Variants in SMAD9 observed in about 807,000 individuals in gnomAD.
The protein encoded by SMAD9 is SMAD family member 9, also known as MAD homolog 9.
A neutral mutation model predicts 46.1 loss-of-function variants in SMAD9; 36 were observed. The ratio of observed to expected loss-of-function variants is 0.78; its 90% CI spans 0.60 to 1.03. The LOEUF is 1.03. SMAD9 is among the 50% of genes least tolerant of loss of function. The pLI, the probability that SMAD9 is intolerant of heterozygous loss-of-function variation, is 0.00. For missense variants in SMAD9, 572 were observed against 599.8 expected (o/e 0.95, Z 0.48); for synonymous variants, 245 against 237.1 (o/e 1.03, Z -0.31).
chr13:36,885,699 T>C (rs2058439400), intron 1 of SMAD9, among the ~76,000 whole-genome samples: 1 of 151,884 alleles, frequency 6.6e-6, no homozygotes, highest in Non-Finnish European at 1.5e-5. Flanking sequence ...GGGAGCTCTA[T>C]CTAGGGGGCC....
chr13:36,899,677 T>C (rs1432886361), intron 1 of SMAD9, among the ~76,000 whole-genome samples: 2 of 152,040 alleles, frequency 1.3e-5, no homozygotes, highest in African/African-American at 2.4e-5. Context: ...AGTTGGTAGG[T>C]GGGTTCAGGG....
At position 36,908,328 on chromosome 13, in the gene SMAD9, C is replaced by T. The variant is rs146004504; in HGVS notation, c.-187+11788G>A. On this transcript the variant is annotated intron_variant, in intron 1 of 6. Coordinates refer to ENST00000379826, the MANE Select transcript of SMAD9 (RefSeq NM_001127217.3). ...ATGCAAACTATAAAATTTCTTCAGT[C>T]AAAACAAATAATTAAATACAACAAA... 5.1e-3 allele frequency among the ~76,000 whole-genome samples: 775 copies of T among 152,198 alleles called. 6 individuals are homozygous for T. The highest frequency in any genetic ancestry group is 0.018 in the African/African-American group (743 of 41,534).
intron 1 of SMAD9, among the ~76,000 whole-genome samples, chr13:36,899,620 T>C (rs1014477752): frequency 6.6e-6 from 1 of 152,114 alleles, no homozygotes; most frequent in African/African-American, 2.4e-5. Flanking sequence ...TCTGAGGTAG[T>C]GAGCTGGATA....
intron 1 of SMAD9, among the ~76,000 whole-genome samples, chr13:36,884,961 C>T (rs1436753166): frequency 2.6e-5 from 4 of 152,164 alleles, no homozygotes; most frequent in Admixed American, 1.3e-4. Context: ...GGGCCTAGTC[C>T]AGAAACAATC....
chr13:36,892,440 A>G (rs1202558786), intron 1 of SMAD9, among the ~76,000 whole-genome samples: 1 of 152,216 alleles, frequency 6.6e-6, no homozygotes, highest in Non-Finnish European at 1.5e-5. Flanking sequence ...ATTATGGCAA[A>G]GCCCACAAAC....
At chr13:36,917,858 T>C (rs1449428065) in intron 1 of SMAD9, among the ~76,000 whole-genome samples, 2 of 152,202 alleles carry the variant, frequency 1.3e-5, no homozygotes, top group Non-Finnish European at 2.9e-5. Flanking sequence ...CAATGCATAG[T>C]GCACTCTCAT....
intron 1 of SMAD9, among the ~76,000 whole-genome samples, chr13:36,900,430 G>A (rs1057210323): frequency 2.0e-5 from 3 of 151,904 alleles, no homozygotes; most frequent in Non-Finnish European, 4.4e-5. Flanking sequence ...ACAGGCGCAT[G>A]CCACCACACC....
Position 36,845,119 on chromosome 13 carries a change from T to C in SMAD9, c.*3557A>G, listed in dbSNP as rs1004681389. On this transcript the variant is annotated 3_prime_UTR_variant, in exon 7 of 7. Transcript: ENST00000379826. ...ATATATATGTGTGTGTGTGTGTATA[T>C]ATATATATATATATACACACTAAAT... 1 of 137,304 alleles carries C rather than the reference T, an allele frequency of 7.3e-6. No individual in the cohort carries two copies. The highest frequency in any genetic ancestry group is 1.5e-5 in the Non-Finnish European group (1 of 66,594). The allele number at this position is 137,304 out of a possible 1,614,324, so 8.5% of individuals were successfully genotyped here. A position where few individuals can be genotyped will look rare whatever the true frequency, so the allele number is the denominator to read the frequency against.
intron 1 of SMAD9, among the ~76,000 whole-genome samples, chr13:36,891,332 A>G (rs1198840541): frequency 6.6e-6 from 1 of 152,134 alleles, no homozygotes; most frequent in Non-Finnish European, 1.5e-5. Context: ...CTGTGGCATG[A>G]GCTATACTTT....
At position 36,920,149 on chromosome 13, in the gene SMAD9, C is replaced by CCGGCGG. The variant is rs558197103; in HGVS notation, c.-226_-221dup. 1 of 154,058 alleles carries CCGGCGG rather than the reference C, an allele frequency of 6.5e-6. No individual in the cohort carries two copies. The highest frequency in any genetic ancestry group is 2.5e-5 in the African/African-American group (1 of 40,664). 9.5% of individuals were successfully genotyped at this position (154,058 alleles called of 1,614,324 possible). A position where few individuals can be genotyped will look rare whatever the true frequency, so the allele number is the denominator to read the frequency against. ...TGCGCGCGCCCAGCGCCTGCAGGGC[C>CCGGCGG]CGGCGGCGGCGGCGGGGACCGAGAC... On this transcript the variant is annotated 5_prime_UTR_variant, in exon 1 of 7. Transcript: ENST00000379826.
At chr13:36,861,585 G>A (rs2058182868) in intron 5 of SMAD9, among the ~76,000 whole-genome samples, 1 of 150,788 alleles carries the variant, frequency 6.6e-6, no homozygotes, top group Non-Finnish European at 1.5e-5. Flanking sequence ...CAAATTGCTG[G>A]GATTACAGGC....
chr13:36,893,481 C>G (rs1329258669), intron 1 of SMAD9, among the ~76,000 whole-genome samples: 1 of 148,622 alleles, frequency 6.7e-6, no homozygotes, highest in African/African-American at 2.5e-5. Context: ...ACTGCACATA[C>G]TAGAATATTC....
chr13:36,851,882 T>C (rs1167623757), intron 6 of SMAD9: 3 of 971,546 alleles, frequency 3.1e-6, no homozygotes, highest in Non-Finnish European at 3.7e-6. Flanking sequence ...GAAAATCAGA[T>C]TTCTATATAA....
intron 5 of SMAD9, among the ~76,000 whole-genome samples, chr13:36,856,982 T>C (rs1202462211): frequency 6.6e-6 from 1 of 151,994 alleles, no homozygotes; most frequent in African/African-American, 2.4e-5. Context: ...TTTTGTCTTT[T>C]TAGTAGAGAT....
chr13:36,869,621 T>A (rs987979501), intron 3 of SMAD9, among the ~76,000 whole-genome samples: 2 of 151,840 alleles, frequency 1.3e-5, no homozygotes, highest in Non-Finnish European at 2.9e-5. Flanking sequence ...TCACCTGAGG[T>A]CAGGAGTTCA....
chr13:36,853,887 G>A (rs573090183), intron 5 of SMAD9, among the ~76,000 whole-genome samples: 26 of 152,252 alleles, frequency 1.7e-4, no homozygotes, highest in African/African-American at 4.8e-4. Context: ...AGCTGGGTGC[G>A]GTGGCTCACG....
chr13:36,856,785 C>T (rs956839908), intron 5 of SMAD9, among the ~76,000 whole-genome samples: 9 of 148,902 alleles, frequency 6.0e-5, no homozygotes, highest in Non-Finnish European at 1.2e-4. Context: ...AGGGTGAGGC[C>T]GGGTGACCTG....
intron 5 of SMAD9, among the ~76,000 whole-genome samples, chr13:36,863,826 G>A (rs1448917654): frequency 6.6e-6 from 1 of 152,152 alleles, no homozygotes; most frequent in Non-Finnish European, 1.5e-5. Flanking sequence ...ACAGCCTGCA[G>A]ACCCATGGGC....
intron 1 of SMAD9, among the ~76,000 whole-genome samples, chr13:36,891,233 GA>G (rs934022517): frequency 2.0e-5 from 3 of 151,434 alleles, no homozygotes; most frequent in African/African-American, 7.4e-5. Context: ...CCTCCTTGCG[GA>G]AGCTATCCTG....
Sources: allele counts gnomAD v4.1 joint callset (sites outside exome capture counted in the v4.1 genomes callset), GRCh38; gene constraint gnomAD v4.1.1; transcripts MANE v1.5; gene names NCBI Gene and HGNC (gene_info 2026-07-23, HGNC 2026-07-21).